The following STRIP2 variants were observed in gnomAD, a reference collection of about 807,000 sequenced individuals.
STRIP2 encodes striatin-interacting protein 2.
Under a neutral mutation model 107.1 loss-of-function variants are expected in STRIP2, and 84 were observed. That is an observed-to-expected ratio of 0.78 (90% CI 0.66 to 0.94). The LOEUF is 0.94. Among genes scored for constraint, STRIP2 ranks in the 40% least tolerant of loss-of-function variants. STRIP2 has a pLI of 0.00. For synonymous variants in STRIP2, 394 were observed against 400.4 expected, an observed-to-expected ratio of 0.98 and a Z score of 0.19; for missense variants, 888 against 1,034.2, an observed-to-expected ratio of 0.86 and a Z score of 1.94.
intron 12 of STRIP2, among the ~76,000 whole-genome samples, chr7:129,460,032 A>G (rs1407743316): frequency 6.6e-6 from 1 of 152,180 alleles, no homozygotes; most frequent in African/African-American, 2.4e-5. Context: ...TTCCCCTTGC[A>G]CTTTATTTGA....
Position 129,476,767 on chromosome 7 carries a change from C to T in STRIP2, c.1945-4018C>T, listed in dbSNP as rs549380536. Among the ~76,000 whole-genome samples the T allele has an allele frequency of 2.2e-4, 33 of 151,954 alleles. No individual in the cohort carries two copies. The East Asian group carries it at 5.3e-3, about 24-fold the overall frequency. On this transcript the variant is annotated intron_variant, in intron 18 of 20. Transcript: ENST00000249344. ...GCAGAGACGCTCTTCACTTCCCAGA[C>T]GGGGTGGCGGCCGGGCAGAGGCTGC... is the stretch of plus-strand genomic sequence containing the variant.
At chr7:129,439,626 G>C (rs574966600) in intron 1 of STRIP2, among the ~76,000 whole-genome samples, 1 of 152,294 alleles carries the variant, frequency 6.6e-6, no homozygotes, top group East Asian at 1.9e-4. Context: ...ATATCATACA[G>C]TGGGTTGATG....
At chr7:129,464,471 G>T in intron 15 of STRIP2, 141 bp from the exon 16 acceptor site, 1 of 860,450 alleles carries the variant, frequency 1.2e-6, no homozygotes, top group Non-Finnish European at 1.8e-6. Context: ...TGGGAACTCT[G>T]GAGGTTTCCC....
chr7:129,435,275 TTCC>T (rs1243445605), intron 1 of STRIP2, among the ~76,000 whole-genome samples: 1 of 152,230 alleles, frequency 6.6e-6, no homozygotes, highest in East Asian at 1.9e-4. Flanking sequence ...TTTCGATCTC[TTCC>T]TCCTCTCCTG....
intron 16 of STRIP2, among the ~76,000 whole-genome samples, chr7:129,465,619 T>G (rs1333430484): frequency 6.6e-6 from 1 of 152,214 alleles, no homozygotes; most frequent in Non-Finnish European, 1.5e-5. Flanking sequence ...CTCCACCCTA[T>G]GAAGTAGTCT....
At position 129,460,562 on chromosome 7, in the gene STRIP2, C is replaced by G. The variant is rs529865564; in HGVS notation, c.1476+190C>G. Reference sequence around the variant, plus strand: ...ATAAAAAATAAAAAGTTAAGTAAACCAAACTATCAGAGAATGGTAAATACA... The same window carrying G: ...ATAAAAAATAAAAAGTTAAGTAAACGAAACTATCAGAGAATGGTAAATACA... On this transcript the variant is annotated intron_variant, in intron 13 of 20. Coordinates refer to ENST00000249344, the MANE Select transcript of STRIP2 (RefSeq NM_020704.3). 7 of 589,810 alleles carry G rather than the reference C, an allele frequency of 1.2e-5. No individual in the cohort carries two copies. In the Admixed American group the frequency reaches 1.7e-4, roughly 15 times the overall value. The allele number at this position is 589,810 out of a possible 1,614,324, so 36.5% of individuals were successfully genotyped here. A position where few individuals can be genotyped will look rare whatever the true frequency, so the allele number is the denominator to read the frequency against.
chr7:129,475,574 A>ATTTT (rs1272392374), intron 18 of STRIP2, among the ~76,000 whole-genome samples: 3 of 42,442 alleles, frequency 7.1e-5, no homozygotes, highest in Non-Finnish European at 9.8e-5. Context: ...TTTTCTTTTT[A>ATTTT]TTTTTTTTTA....
intron 4 of STRIP2, 150 bp downstream of exon 4, chr7:129,451,897 G>A (rs1798204895): frequency 1.1e-6 from 1 of 905,780 alleles, no homozygotes; most frequent in Admixed American, 2.7e-5. Context: ...AGTAACCTGT[G>A]CTTATGAGGA....
rs576067190 is a variant in STRIP2, at chr7:129,486,145, A to G, written c.*316A>G. ...CTGGCTCTAAAAGAGGAAATTTGTTATGGCATTTGACCCATGGCATTCATC... is the reference window on the plus strand; with the variant it reads ...CTGGCTCTAAAAGAGGAAATTTGTTGTGGCATTTGACCCATGGCATTCATC... On this transcript the variant is annotated 3_prime_UTR_variant, in exon 21 of 21. Transcript: ENST00000249344. The G allele has an allele frequency of 5.4e-5, 15 of 279,644 alleles. No homozygotes were observed. The South Asian group carries it at 7.2e-4, about 13-fold the overall frequency. The allele number at this position is 279,644 out of a possible 1,614,324, so 17.3% of individuals were successfully genotyped here.
chr7:129,442,493 G>C (rs1223296853), intron 2 of STRIP2, among the ~76,000 whole-genome samples: 1 of 152,140 alleles, frequency 6.6e-6, no homozygotes, highest in Non-Finnish European at 1.5e-5. Context: ...GCTAACATTT[G>C]TTTGACCTGG....
At chr7:129,451,167 C>G (rs1798180229) in intron 3 of STRIP2, among the ~76,000 whole-genome samples, 1 of 152,002 alleles carries the variant, frequency 6.6e-6, no homozygotes, top group South Asian at 2.1e-4. Flanking sequence ...TCTCAATCTC[C>G]TGACCTCGTG....
chr7:129,459,995 G>A (rs903291639), intron 12 of STRIP2, among the ~76,000 whole-genome samples: 26 of 152,134 alleles, frequency 1.7e-4, no homozygotes, highest in African/African-American at 6.3e-4. Context: ...CAGGGCAGTG[G>A]TCCAGGGGCA....
chr7:129,454,447 T>G lies in STRIP2; in HGVS notation c.626T>G (p.Met209Arg). Residue 209 changes from methionine to arginine, a missense_variant, in exon 7 of 21, where the codon ATG becomes AGG. Coordinates refer to ENST00000249344, the MANE Select transcript of STRIP2 (RefSeq NM_020704.3). ...LRVLLSVMYL[M>R]VENIRLERET... is the part of the protein sequence containing the mutation. Reference sequence around the variant, plus strand: ...GTGCTGCTGAGTGTTATGTACCTAATGGTGGAAAATATTCGCCTGGAGCGA... The same window carrying G: ...GTGCTGCTGAGTGTTATGTACCTAAGGGTGGAAAATATTCGCCTGGAGCGA... The G allele has an allele frequency of 6.2e-7, 1 of 1,613,990 alleles. No individual in the cohort carries two copies. Among genetic ancestry groups the G allele is most frequent in the South Asian group, 1.1e-5 (1 of 91,074 alleles).
chr7:129,455,292 T>G lies in STRIP2; in HGVS notation c.755T>G (p.Met252Arg). ...EEPFALLLFS[M>R]VTKFCSGLAP... is the part of the protein sequence containing the mutation. ...CCTTTTGCCCTTTTACTCTTCTCCA[T>G]GGTTACCAAGTTCTGCAGTGGCCTG... Residue 252 changes from methionine (M) to arginine (R), a missense_variant, in exon 8 of 21, where the codon ATG becomes AGG. Transcript: ENST00000249344. 6.2e-7 allele frequency: 1 copy of G among 1,614,060 alleles called. No individual in the cohort carries two copies. The highest frequency in any genetic ancestry group is 1.1e-5 in the South Asian group (1 of 91,060).
Position 129,464,077 on chromosome 7 carries a change from C to G in STRIP2, c.1585C>G (p.Pro529Ala). Residue 529 changes from proline to alanine, a missense_variant, in exon 15 of 21, where the codon CCC becomes GCC. By Grantham distance (27) the Pro-to-Ala change is conservative. Transcript: ENST00000249344. ...ALLKILLAAA[P>A]TSKAKTDSIN... ...GCTTAAGATTCTGCTGGCTGCAGCT[C>G]CCACCTCTAAGGCTAAGACAGACTC... 1 of 1,613,544 alleles carries G rather than the reference C, an allele frequency of 6.2e-7. No individual in the cohort carries two copies. The highest frequency in any genetic ancestry group is 8.5e-7 in the Non-Finnish European group (1 of 1,179,992).
intron 15 of STRIP2, 63 bp downstream of exon 15, chr7:129,464,204 TC>T: frequency 8.1e-7 from 1 of 1,232,080 alleles, no homozygotes; most frequent in Non-Finnish European, 1.2e-6. Context: ...CTCTCTCTAG[TC>T]CCCACTCACC....
chr7:129,451,827 G>A, intron 4 of STRIP2, 80 bp downstream of exon 4: 1 of 1,553,322 alleles, frequency 6.4e-7, no homozygotes, highest in South Asian at 1.2e-5. Context: ...AGATGACGCA[G>A]GCTGTGCTGG....
At chr7:129,467,325 C>A in intron 16 of STRIP2, 25 bp from the exon 17 acceptor site, 1 of 1,546,536 alleles carries the variant, frequency 6.5e-7, no homozygotes, top group South Asian at 1.1e-5. Flanking sequence ...ATAAGCAGCC[C>A]TTTCTGCTTT....
At chr7:129,473,395 T>C (rs573527734) in intron 18 of STRIP2, among the ~76,000 whole-genome samples, 8 of 152,244 alleles carry the variant, frequency 5.3e-5, no homozygotes, top group African/African-American at 1.9e-4. Context: ...AGGGTCTTGC[T>C]TTGTCACCCA....
Sources: gnomAD v4.1 joint callset for allele counts (sites outside exome capture counted in the v4.1 genomes callset) on GRCh38, gnomAD v4.1.1 for gene constraint, MANE v1.5 for transcripts, NCBI Gene and HGNC (gene_info 2026-07-23, HGNC 2026-07-21) for gene names.